The following FGF23 variants were observed in gnomAD, a reference collection of about 807,000 sequenced individuals.
FGF23 encodes fibroblast growth factor 23.
In FGF23, 8 loss-of-function variants were observed where a neutral mutation model predicts 9.0. The observed-to-expected ratio is 0.89, with a 90% CI of 0.52 to 1.60. The LOEUF is 1.60. FGF23 is among the 40% of genes most tolerant of loss of function. FGF23 has a pLI of 0.00. For missense variants in FGF23, 311 were observed against 344.3 expected, an observed-to-expected ratio of 0.90 and a Z score of 0.77; for synonymous variants, 118 against 146.2, an observed-to-expected ratio of 0.81 and a Z score of 1.39.
At chr12:4,374,785 A>T (rs987071763) in intron 1 of FGF23, among the ~76,000 whole-genome samples, 1 of 152,176 alleles carries the variant, frequency 6.6e-6, no homozygotes, top group Non-Finnish European at 1.5e-5. Context: ...AACAAATTTT[A>T]TATTGTTAGT....
intron 2 of FGF23, among the ~76,000 whole-genome samples, chr12:4,371,447 C>G (rs1431327331): frequency 6.6e-6 from 1 of 152,128 alleles, no homozygotes; most frequent in Admixed American, 6.5e-5. Context: ...CCTACTCTAG[C>G]CAGACACTAT....
Position 4,369,970 on chromosome 12 carries a change from CTTTTTTTTTTTTTTTTTTTTTT to C in FGF23, c.*351_*372del. ...AAGTCTTGAGCTCAGGAACCCACTG[CTTTTTTTTTTTTTTTTTTTTTT>C]TTTTTTTTTTATGCTTAAAAGTGAT... On this transcript the variant is annotated 3_prime_UTR_variant, in exon 3 of 3. Transcript: ENST00000237837. 1 of 89,744 alleles carries C rather than the reference CTTTTTTTTTTTTTTTTTTTTTT, an allele frequency of 1.1e-5. No individual in the cohort carries two copies. Among genetic ancestry groups the C allele is most frequent in the East Asian group, 1.9e-4 (1 of 5,344 alleles). 5.6% of individuals were successfully genotyped at this position (89,744 alleles called of 1,614,324 possible).
chr12:4,371,428 G>A (rs1166827829), intron 2 of FGF23, among the ~76,000 whole-genome samples: 6 of 152,302 alleles, frequency 3.9e-5, no homozygotes, highest in Admixed American at 3.9e-4. Context: ...TTTTTTGTTT[G>A]TTTGTTTACC....
In FGF23 at chr12:4,372,588, A is replaced by T; in HGVS notation, c.315+6T>A. On this transcript the variant is annotated splice_donor_region_variant and intron_variant, in intron 2 of 2. Transcript: ENST00000237837. ...AAATGGTGACCAACACAAAAAAGAA[A>T]CTCACTGATCCAAAAATGTTGCCTC... 1 of 1,563,366 alleles carries T rather than the reference A, an allele frequency of 6.4e-7. No homozygotes were observed. The highest frequency in any genetic ancestry group is 1.1e-5 in the South Asian group (1 of 90,054).
At chr12:4,378,070 C>T (rs1377592434) in intron 1 of FGF23, among the ~76,000 whole-genome samples, 4 of 152,118 alleles carry the variant, frequency 2.6e-5, no homozygotes, top group African/African-American at 7.2e-5. Flanking sequence ...GTTTGGTATT[C>T]GGAGAGAACT....
At chr12:4,370,849 C>G in intron 2 of FGF23, 66 bp from the exon 3 acceptor site, 1 of 1,328,164 alleles carries the variant, frequency 7.5e-7, no homozygotes, top group Non-Finnish European at 1.1e-6. Context: ...CCCAGCTCCT[C>G]CTGGGGCCAC....
chr12:4,374,228 C>A (rs186359070), intron 1 of FGF23, among the ~76,000 whole-genome samples: 2 of 152,292 alleles, frequency 1.3e-5, no homozygotes, highest in East Asian at 3.9e-4. Flanking sequence ...GAAAGCTTCC[C>A]AGAAAGTGGA....
chr12:4,379,660 T>G lies in FGF23; in HGVS notation c.-78A>C. ...GGGACTCTCCTGGCCCAGGCCTTACTGGCCTTTTCCTTCTCCCTTGCAAGT... is the reference window on the plus strand; with the variant it reads ...GGGACTCTCCTGGCCCAGGCCTTACGGGCCTTTTCCTTCTCCCTTGCAAGT... On this transcript the variant is annotated 5_prime_UTR_variant, in exon 1 of 3. Coordinates refer to ENST00000237837, the MANE Select transcript of FGF23 (RefSeq NM_020638.3). 7.8e-7 allele frequency: 1 copy of G among 1,276,036 alleles called. No individual in the cohort carries two copies. The highest frequency in any genetic ancestry group is 1.3e-5 in the South Asian group (1 of 78,888). The allele number at this position is 1,276,036 out of a possible 1,614,324, so 79.0% of individuals were successfully genotyped here.
rs148098794 is a variant in FGF23, at chr12:4,379,026, T to C, written c.211+346A>G. On this transcript the variant is annotated intron_variant, in intron 1 of 2. Coordinates refer to ENST00000237837, the MANE Select transcript of FGF23 (RefSeq NM_020638.3). ...TGATCTGCCTGGCTTCTTTTTCTCT[T>C]AGACTCCTTGCCTTTCTTTCTGTAC... 4.3e-3 allele frequency among the ~76,000 whole-genome samples: 649 copies of C among 152,314 alleles called. 4 individuals carry two copies. The highest frequency in any genetic ancestry group is 0.015 in the African/African-American group (633 of 41,576).
chr12:4,377,710 G>A (rs796974617), intron 1 of FGF23, among the ~76,000 whole-genome samples: 23 of 67,130 alleles, frequency 3.4e-4, no homozygotes, highest in African/African-American at 7.1e-4. Context: ...GATTACAGGC[G>A]TGAGCCACCA....
Position 4,379,480 on chromosome 12 carries a change from T to G in FGF23, c.103A>C (p.Ser35Arg). 1 of 1,613,386 alleles carries G rather than the reference T, an allele frequency of 6.2e-7. No homozygotes were observed. Among genetic ancestry groups the G allele is most frequent in the Non-Finnish European group, 8.5e-7 (1 of 1,180,004 alleles). The stretch of plus-strand genomic sequence containing the variant: ...TACAGGTGGATCAGGCCACCCCAGC[T>G]GGAGCCGAGCAGTGGGGAGGCATTG... ...YPNASPLLGS[S>R]WGGLIHLYTA... The change falls in exon 1 of 3, where the codon AGC becomes CGC. Residue 35 changes from serine (S) to arginine (R), a missense_variant. By Grantham distance (110) the Ser-to-Arg change is moderately radical. This residue lies in a region of FGF23 where 102 missense variants were observed against 108.2 expected (regional missense o/e 0.94). Coordinates refer to ENST00000237837, the MANE Select transcript of FGF23 (RefSeq NM_020638.3).
chr12:4,374,062 G>T (rs909672945), intron 1 of FGF23, among the ~76,000 whole-genome samples: 14 of 152,182 alleles, frequency 9.2e-5, no homozygotes, highest in African/African-American at 3.4e-4. Flanking sequence ...GCAATAATTA[G>T]GTACTAGCTG....
intron 1 of FGF23, among the ~76,000 whole-genome samples, chr12:4,374,822 G>A (rs1165870865): frequency 6.6e-6 from 1 of 152,078 alleles, no homozygotes; most frequent in Non-Finnish European, 1.5e-5. Flanking sequence ...ATTAGTAGTA[G>A]TAGTAGCAGC....
At position 4,379,392 on chromosome 12, in the gene FGF23, G is replaced by A; in HGVS notation, c.191C>T (p.Ala64Val). 7 of 1,612,196 alleles carry A rather than the reference G, an allele frequency of 4.3e-6. No individual in the cohort carries two copies. The highest frequency in any genetic ancestry group is 1.3e-5 in the African/African-American group (1 of 75,056). ...QIHKNGHVDG[A>V]PHQTIYSALM... ...CTCACTGTAGATGGTCTGATGGGGT[G>A]CGCCATCCACATGGCCATTCTTGTG... is the stretch of plus-strand genomic sequence containing the variant. The change falls in exon 1 of 3, where the codon GCA (alanine) becomes GTA (valine). Residue 64 changes from alanine (A) to valine (V), a missense_variant. By Grantham distance (64) the Ala-to-Val change is moderately conservative. Coordinates refer to ENST00000237837, the MANE Select transcript of FGF23 (RefSeq NM_020638.3).
In FGF23 at chr12:4,377,232, C is replaced by T. The variant is rs184103906; in HGVS notation, c.211+2140G>A. 5.9e-5 allele frequency among the ~76,000 whole-genome samples: 9 copies of T among 152,178 alleles called. No individual in the cohort carries two copies. In the East Asian group the frequency reaches 1.2e-3, roughly 20 times the overall value. ...CTTCACACTCACTCCCCACCGTAGC[C>T]GGCCTGTTCTGTTCTACCCTAATTC... On this transcript the variant is annotated intron_variant, in intron 1 of 2. Coordinates refer to ENST00000237837, the MANE Select transcript of FGF23 (RefSeq NM_020638.3).
At position 4,369,384 on chromosome 12, in the gene FGF23, G is replaced by A. The variant is rs1218948284; in HGVS notation, c.*959C>T. 3.0e-5 allele frequency: 7 copies of A among 231,242 alleles called. No homozygotes were observed. The highest frequency in any genetic ancestry group is 5.6e-5 in the Admixed American group (1 of 17,710). 14.3% of individuals were successfully genotyped at this position (231,242 alleles called of 1,614,324 possible). ...CACATTTTTGTAGTTTGTTCAGAAT[G>A]GATTCCTACTCAACCTGGAAGTAGA... is the stretch of plus-strand genomic sequence containing the variant. On this transcript the variant is annotated 3_prime_UTR_variant, in exon 3 of 3. Transcript: ENST00000237837.
intron 2 of FGF23, among the ~76,000 whole-genome samples, chr12:4,372,165 G>A (rs1014819163): frequency 1.5e-5 from 2 of 134,260 alleles, no homozygotes; most frequent in Admixed American, 8.1e-5. Context: ...ATCACACTCT[G>A]GGGACTGTTG....
At chr12:4,376,585 G>T (rs562674456) in intron 1 of FGF23, among the ~76,000 whole-genome samples, 1 of 151,798 alleles carries the variant, frequency 6.6e-6, no homozygotes. Context: ...ACAGTGGTGC[G>T]ATCTCAGCTC....
At position 4,379,371 on chromosome 12, in the gene FGF23, C is replaced by T. The variant is rs1865152866; in HGVS notation, c.211+1G>A. 6.2e-7 allele frequency: 1 copy of T among 1,610,176 alleles called. No homozygotes were observed. ...TCTTCCCAGCCTGAAGCCCTACTCA[C>T]TGTAGATGGTCTGATGGGGTGCGCC... On this transcript the variant is annotated splice_donor_variant, in intron 1 of 2. Transcript: ENST00000237837. LOFTEE classifies it high-confidence loss of function.
Sources: allele counts gnomAD v4.1 joint callset (sites outside exome capture counted in the v4.1 genomes callset), GRCh38; gene constraint gnomAD v4.1.1; regional missense constraint gnomAD v4.1.1; transcripts MANE v1.5; gene names NCBI Gene and HGNC (gene_info 2026-07-23, HGNC 2026-07-21).